The following SIPA1L2 variants were observed in gnomAD, a reference collection of about 807,000 sequenced individuals.
SIPA1L2 encodes the protein signal induced proliferation associated 1 like 2.
In SIPA1L2, 56 loss-of-function variants were observed where a neutral mutation model predicts 163.9. The observed-to-expected ratio is 0.34, with a 90% CI of 0.28 to 0.43. The LOEUF (loss-of-function observed/expected upper bound fraction) is 0.43. SIPA1L2 is among the 20% of genes least tolerant of loss of function. SIPA1L2 has a pLI of 1.00. For synonymous variants in SIPA1L2, 877 were observed against 865.7 expected (o/e 1.01, Z -0.23); for missense variants, 1,974 against 2,193.5 (o/e 0.90, Z 2.00).
intron 8 of SIPA1L2, among the ~76,000 whole-genome samples, chr1:232,469,191 C>T (rs781668530): frequency 2.6e-5 from 4 of 152,208 alleles, no homozygotes; most frequent in Admixed American, 6.5e-5. Flanking sequence ...AGCAAGAATA[C>T]GCTGCCACTC....
At chr1:232,604,809 C>G (rs538864724) in intron 1 of SIPA1L2, among the ~76,000 whole-genome samples, 10 of 151,908 alleles carry the variant, frequency 6.6e-5, no homozygotes, top group Non-Finnish European at 8.8e-5. Context: ...GCACATAACC[C>G]CTCTCCTCTC....
chr1:232,479,680 G>A lies in SIPA1L2; in HGVS notation c.2032C>T (p.Leu678Phe), dbSNP rs759522020. The A allele has an allele frequency of 5.6e-6, 9 of 1,613,824 alleles. No individual in the cohort carries two copies. In the South Asian group the frequency reaches 9.9e-5, roughly 18 times the overall value. Residue 678 changes from leucine to phenylalanine, a missense_variant, in exon 7 of 23, where the codon CTC becomes TTC. Coordinates refer to ENST00000674635, the MANE Select transcript of SIPA1L2 (RefSeq NM_020808.5). Reference protein sequence around the residue: ...SLYTTYKDYELMFHVSTLLPY... With the variant: ...SLYTTYKDYEFMFHVSTLLPY... ...AGCAGGGTTGACACGTGGAACATGA[G>A]TTCGTAGTCTTTGTATGTGGTATAG...
intron 10 of SIPA1L2, among the ~76,000 whole-genome samples, chr1:232,448,376 AAAC>A (rs929117797): frequency 2.0e-5 from 3 of 152,328 alleles, no homozygotes; most frequent in African/African-American, 4.8e-5. Flanking sequence ...AGCCAACATA[AAAC>A]AACAACAACA....
chr1:232,600,374 C>G (rs180968238), intron 1 of SIPA1L2, among the ~76,000 whole-genome samples: 193 of 152,300 alleles, frequency 1.3e-3, no homozygotes, highest in Non-Finnish European at 2.4e-4. Flanking sequence ...TCAATACTCC[C>G]CTTTTATTTT....
At chr1:232,492,460 C>T (rs1665981020) in intron 4 of SIPA1L2, among the ~76,000 whole-genome samples, 1 of 152,138 alleles carries the variant, frequency 6.6e-6, no homozygotes, top group South Asian at 2.1e-4. Flanking sequence ...ATGCTCTCAC[C>T]CCAGCCTCCT....
At position 232,465,489 on chromosome 1, in the gene SIPA1L2, T is replaced by C. The variant is rs1417517975; in HGVS notation, c.2244-73A>G. On this transcript the variant is annotated intron_variant, in intron 8 of 22. Coordinates refer to ENST00000674635, the MANE Select transcript of SIPA1L2 (RefSeq NM_020808.5). The surrounding 1 kb of genome is among the most constrained non-coding windows in gnomAD (Gnocchi z 4.1). ...AATATGTATCTTTCCGAATTTGACA[T>C]ATATATACACACACACACACATATA... The C allele has an allele frequency of 1.8e-6, 2 of 1,118,504 alleles. No homozygotes were observed. Among genetic ancestry groups the C allele is most frequent in the African/African-American group, 1.6e-5 (1 of 63,178 alleles). 69.3% of individuals were successfully genotyped at this position (1,118,504 alleles called of 1,614,324 possible).
intron 7 of SIPA1L2, among the ~76,000 whole-genome samples, chr1:232,472,713 C>T (rs1354412782): frequency 2.0e-5 from 3 of 152,158 alleles, no homozygotes; most frequent in Non-Finnish European, 4.4e-5. Context: ...TTTTTACTAG[C>T]AATATGAAAG....
intron 2 of SIPA1L2, among the ~76,000 whole-genome samples, chr1:232,546,782 T>C (rs1354273355): frequency 6.6e-6 from 1 of 152,148 alleles, no homozygotes; most frequent in South Asian, 2.1e-4. Flanking sequence ...GACAGCGATA[T>C]AGTGAAAGAG....
At chr1:232,412,852 C>T (rs1661039683) in intron 19 of SIPA1L2, among the ~76,000 whole-genome samples, 1 of 152,218 alleles carries the variant, frequency 6.6e-6, no homozygotes. Flanking sequence ...ACTCCTCCCA[C>T]ATTATTTTAT....
chr1:232,583,872 C>T (rs1226858908), intron 1 of SIPA1L2, among the ~76,000 whole-genome samples: 1 of 152,178 alleles, frequency 6.6e-6, no homozygotes, highest in Non-Finnish European at 1.5e-5. Flanking sequence ...TCAGAAGGAG[C>T]TCTCTCTGCC....
intron 2 of SIPA1L2, among the ~76,000 whole-genome samples, chr1:232,517,099 A>T (rs1371534424): frequency 6.6e-6 from 1 of 152,190 alleles, no homozygotes; most frequent in Non-Finnish European, 1.5e-5. Context: ...CTTGTGGCAT[A>T]ATGCACTAGA....
At chr1:232,461,214 G>A in intron 9 of SIPA1L2, 53 bp from the exon 10 acceptor site, 7 of 1,585,148 alleles carry the variant, frequency 4.4e-6, no homozygotes, top group East Asian at 2.2e-5. Context: ...GCTGCCATGG[G>A]GCTCTGCCAA....
intron 2 of SIPA1L2, among the ~76,000 whole-genome samples, chr1:232,539,986 G>A (rs956804581): frequency 1.3e-5 from 2 of 152,166 alleles, no homozygotes; most frequent in Admixed American, 6.5e-5. Context: ...GTGTAAAATA[G>A]TGTCCAGCTC....
At chr1:232,481,245 G>C (rs985424166) in intron 6 of SIPA1L2, among the ~76,000 whole-genome samples, 10 of 152,150 alleles carry the variant, frequency 6.6e-5, no homozygotes, top group African/African-American at 2.4e-4. Context: ...CTCTGGATGT[G>C]AGCAAGCACA....
chr1:232,490,646 C>T (rs1665879215), intron 5 of SIPA1L2: 1 of 460,280 alleles, frequency 2.2e-6, no homozygotes, highest in South Asian at 3.4e-5. Flanking sequence ...CACACCAAAA[C>T]CTTGGTAATA....
intron 1 of SIPA1L2, among the ~76,000 whole-genome samples, chr1:232,579,260 G>A (rs1660240167): frequency 6.6e-6 from 1 of 151,870 alleles, no homozygotes; most frequent in East Asian, 1.9e-4. Context: ...CTGTTAGGAT[G>A]GATTTGCTAG....
At chr1:232,625,333 A>G (rs940864544) in intron 1 of SIPA1L2, among the ~76,000 whole-genome samples, 16 of 152,220 alleles carry the variant, frequency 1.1e-4, no homozygotes, top group Admixed American at 2.6e-4. Flanking sequence ...CTGATCTAAT[A>G]ATGTACAGAC....
intron 10 of SIPA1L2, among the ~76,000 whole-genome samples, chr1:232,449,517 CAAA>C (rs33934850): frequency 3.1e-4 from 25 of 80,056 alleles, no homozygotes; most frequent in Admixed American, 6.0e-4. Context: ...GACTCCGTCT[CAAA>C]AAAAAAAAAA....
At chr1:232,563,373 C>T (rs2102750901) in intron 2 of SIPA1L2, among the ~76,000 whole-genome samples, 1 of 152,244 alleles carries the variant, frequency 6.6e-6, no homozygotes, top group South Asian at 2.1e-4. Context: ...TTACAGCCTA[C>T]ACAAGAATAT....
Sources: allele counts gnomAD v4.1 joint callset (sites outside exome capture counted in the v4.1 genomes callset), GRCh38; gene constraint gnomAD v4.1.1; non-coding constraint Gnocchi (gnomAD v3.1); transcripts MANE v1.5; gene names NCBI Gene and HGNC (gene_info 2026-07-23, HGNC 2026-07-21).